CFAP61: variants seen among roughly 807,000 people sequenced by gnomAD.
CFAP61 encodes cilia and flagella associated protein 61, also known as cilia- and flagella-associated protein 61.
In CFAP61, 107 loss-of-function variants were observed where a neutral mutation model predicts 135.6. The observed-to-expected ratio is 0.79, with a 90% CI of 0.67 to 0.93. The LOEUF is 0.93. Ranked by LOEUF, CFAP61 falls within the 40% of genes least tolerant of loss-of-function variation. CFAP61 has a pLI of 0.00. For missense variants in CFAP61, 1,507 were observed against 1,556.2 expected (o/e 0.97, Z 0.53); for synonymous variants, 575 against 578.5 (o/e 0.99, Z 0.09).
rs1048543731 is a variant in CFAP61, at chr20:20,336,996, C to T, written c.3423-4835C>T. Among the ~76,000 whole-genome samples, 9 of 152,214 alleles carry T rather than the reference C, an allele frequency of 5.9e-5. No individual in the cohort carries two copies. The South Asian group carries it at 8.3e-4, about 14-fold the overall frequency. ...TTGACACAGGCGTGAGGGCCATATT[C>T]GATTCATGGCAAAGAATTGAACCCT... On this transcript the variant is annotated intron_variant, in intron 25 of 26. Transcript: ENST00000245957.
intron 26 of CFAP61, among the ~76,000 whole-genome samples, chr20:20,344,664 A>T (rs2058569038): frequency 6.6e-6 from 1 of 152,208 alleles, no homozygotes; most frequent in African/African-American, 2.4e-5. Context: ...AGTGAAAATT[A>T]GTATAGCCAC....
intron 8 of CFAP61, among the ~76,000 whole-genome samples, chr20:20,125,324 G>A (rs1353535124): frequency 6.6e-6 from 1 of 151,542 alleles, no homozygotes; most frequent in Non-Finnish European, 1.5e-5. Context: ...GTCAGTTTGT[G>A]CTCTGTCAGT....
At chr20:20,119,709 G>A (rs34752281) in intron 8 of CFAP61, among the ~76,000 whole-genome samples, 28,667 of 151,938 alleles carry the variant, frequency 0.19, 2,981 homozygotes, top group Non-Finnish European at 0.24. Context: ...TCATGTCATG[G>A]GGGTTTGTTG....
chr20:20,079,434 T>G lies in CFAP61; in HGVS notation c.566+3819T>G, dbSNP rs79577264. On this transcript the variant is annotated intron_variant, in intron 6 of 26. Coordinates refer to ENST00000245957, the MANE Select transcript of CFAP61 (RefSeq NM_015585.4). Reference sequence around the variant, plus strand: ...GAAAGCAAAGGAGTAGTCAGTGCTATTTTTTTTTTCCTTTTTGCTGGAGAA... The same window carrying G: ...GAAAGCAAAGGAGTAGTCAGTGCTAGTTTTTTTTTCCTTTTTGCTGGAGAA... 4.0e-4 allele frequency among the ~76,000 whole-genome samples: 7 copies of G among 17,690 alleles called. No individual in the cohort carries two copies. The Admixed American group carries it at 6.4e-3, about 16-fold the overall frequency. 11.6% of individuals were successfully genotyped at this position (17,690 alleles called of 152,430 possible). A position where few individuals can be genotyped will look rare whatever the true frequency, so the allele number is the denominator to read the frequency against.
chr20:20,236,340 G>T (rs6112827), intron 18 of CFAP61, among the ~76,000 whole-genome samples: 6 of 152,092 alleles, frequency 3.9e-5, no homozygotes, highest in Non-Finnish European at 1.5e-5. Context: ...GGTGGGTTTA[G>T]GAGCCATTTT....
chr20:20,135,656 A>G (rs2050869496), intron 8 of CFAP61, among the ~76,000 whole-genome samples: 1 of 152,324 alleles, frequency 6.6e-6, no homozygotes, highest in East Asian at 1.9e-4. Flanking sequence ...CTAAAAAACT[A>G]CACTTTATCT....
chr20:20,053,262 T>C (rs946888263), intron 1 of CFAP61, among the ~76,000 whole-genome samples: 10 of 152,126 alleles, frequency 6.6e-5, no homozygotes, highest in African/African-American at 1.9e-4. Context: ...TTTAGAGAAG[T>C]TTTAGGTTCA....
At position 20,199,963 on chromosome 20, in the gene CFAP61, G is replaced by A. The variant is rs113471258; in HGVS notation, c.1932+61G>A. On this transcript the variant is annotated intron_variant, in intron 17 of 26. Transcript: ENST00000245957. ...CCAGCTCCCGCGGGCCTGGCAGATGGGGTGGCAGTGCTGTCTTCACAGGAG... is the reference window on the plus strand; with the variant it reads ...CCAGCTCCCGCGGGCCTGGCAGATGAGGTGGCAGTGCTGTCTTCACAGGAG... 0.033 allele frequency: 52,453 copies of A among 1,577,520 alleles called. 1,231 individuals are homozygous for A. The highest frequency in any genetic ancestry group is 0.1 in the Middle Eastern group (603 of 5,918).
At chr20:20,130,857 G>C (rs1425912800) in intron 8 of CFAP61, among the ~76,000 whole-genome samples, 1 of 151,830 alleles carries the variant, frequency 6.6e-6, no homozygotes, top group Non-Finnish European at 1.5e-5. Context: ...CATGGCTGAG[G>C]ATGATAGTCC....
At chr20:20,322,786 C>T in intron 25 of CFAP61, 1 of 985,378 alleles carries the variant, frequency 1.0e-6, no homozygotes, top group Non-Finnish European at 1.2e-6. Flanking sequence ...CCTGTGAATG[C>T]TGTTTGCTAT....
chr20:20,136,219 C>T (rs182800914), intron 8 of CFAP61, among the ~76,000 whole-genome samples: 4 of 152,020 alleles, frequency 2.6e-5, no homozygotes, highest in Admixed American at 6.6e-5. Context: ...AGGTAGTCTT[C>T]TTTGGGTTAA....
At position 20,199,887 on chromosome 20, in the gene CFAP61, G is replaced by A. The variant is rs371964125; in HGVS notation, c.1917G>A (p.Ala639=). Residue 639 remains alanine, a synonymous_variant, in exon 17 of 27, where the codon GCG becomes GCA. Transcript: ENST00000245957. ...TTGGCATAAACGCTCCATCAAAGGCGGTCTCCAAGGATCCGGTGGGTAGCA... is the reference window on the plus strand; with the variant it reads ...TTGGCATAAACGCTCCATCAAAGGCAGTCTCCAAGGATCCGGTGGGTAGCA... ...EKLGINAPSK[A]VSKDPMSYAL... 1.9e-5 allele frequency: 30 copies of A among 1,613,902 alleles called. No homozygotes were observed. The highest frequency in any genetic ancestry group is 1.6e-4 in the Middle Eastern group (1 of 6,084).
chr20:20,345,114 G>A (rs1484945555), intron 26 of CFAP61, among the ~76,000 whole-genome samples: 1 of 152,204 alleles, frequency 6.6e-6, no homozygotes, highest in African/African-American at 2.4e-5. Flanking sequence ...GTGGCAAGAA[G>A]TGGGTGGATA....
chr20:20,262,914 ATC>A, intron 20 of CFAP61, 40 bp from the exon 21 acceptor site: 4 of 1,375,626 alleles, frequency 2.9e-6, no homozygotes, highest in Non-Finnish European at 3.9e-6. Flanking sequence ...TCACCACTTT[ATC>A]TATTATCACT....
chr20:20,211,733 T>TG (rs2146917043), intron 17 of CFAP61, among the ~76,000 whole-genome samples: 1 of 152,352 alleles, frequency 6.6e-6, no homozygotes, highest in East Asian at 1.9e-4. Flanking sequence ...TTTTATTTTT[T>TG]CATATAATTC....
chr20:20,070,704 T>G, intron 2 of CFAP61, 150 bp from the exon 3 acceptor site: 1 of 634,824 alleles, frequency 1.6e-6, no homozygotes, highest in East Asian at 2.8e-5. Context: ...TACCCCAAAG[T>G]GGCTGCAATA....
intron 25 of CFAP61, among the ~76,000 whole-genome samples, chr20:20,339,251 A>G (rs1262103680): frequency 6.6e-6 from 1 of 152,062 alleles, no homozygotes; most frequent in African/African-American, 2.4e-5. Flanking sequence ...AATATTTTTT[A>G]TTTTTAAAAT....
In CFAP61 at chr20:20,070,939, A is replaced by G. The variant is rs2045661236; in HGVS notation, c.229A>G (p.Asn77Asp). ...CACCTTCCTGGACTACCCCAACTGG[A>G]ATGTTGCCAAGCAGGATGACTGGGT... ...QATFLDYPNW[N>D]VAKQDDWVSV... The change falls in exon 3 of 27, where the codon AAT (asparagine) becomes GAT (aspartate). Residue 77 changes from asparagine to aspartate, a missense_variant. Asn to Asp is a conservative substitution (Grantham distance 23). Coordinates refer to ENST00000245957, the MANE Select transcript of CFAP61 (RefSeq NM_015585.4). 6.2e-7 allele frequency: 1 copy of G among 1,614,016 alleles called. No homozygotes were observed.
At chr20:20,261,092 C>T (rs1269883407) in intron 20 of CFAP61, among the ~76,000 whole-genome samples, 1 of 152,134 alleles carries the variant, frequency 6.6e-6, no homozygotes, top group Non-Finnish European at 1.5e-5. Context: ...TTTAGTTGTT[C>T]CCTTTTGCTA....
Sources: gnomAD v4.1 joint callset for allele counts (sites outside exome capture counted in the v4.1 genomes callset) on GRCh38, gnomAD v4.1.1 for gene constraint, MANE v1.5 for transcripts, NCBI Gene and HGNC (gene_info 2026-07-23, HGNC 2026-07-21) for gene names.